Variants in YEATS4 observed in about 807,000 individuals in gnomAD.
The protein encoded by YEATS4 is YEATS domain containing 4.
YEATS4 carries 17 observed loss-of-function variants against 30.1 expected under a neutral mutation model. That is an observed-to-expected ratio of 0.56 (90% CI 0.39 to 0.85). The LOEUF is 0.85. YEATS4 is among the 40% of genes least tolerant of loss of function. The probability of loss-of-function intolerance (pLI) is 0.00; values close to 1 mark genes in which losing one functional copy is unlikely to be tolerated. For synonymous variants in YEATS4, 85 were observed against 87.5 expected (o/e 0.97, Z 0.16); for missense variants, 142 against 268.3 (o/e 0.53, Z 3.29).
At chr12:69,362,015 T>TGTTTTTTTTTTTTTTTTTTTTTTTTTTTG in intron 1 of YEATS4, among the ~76,000 whole-genome samples, 1 of 111,684 alleles carries the variant, frequency 9.0e-6, no homozygotes, top group Admixed American at 9.1e-5. Context: ...GTTTGGTTGT[T>TGTTTTTTTTTTTTTTTTTTTTTTTTTTTG]TTTTTTTTTT....
In YEATS4 at chr12:69,390,163, G is replaced by A; in HGVS notation, c.531G>A (p.Val177=). The A allele has an allele frequency of 6.3e-7, 1 of 1,584,184 alleles. No individual in the cohort carries two copies. Among genetic ancestry groups the A allele is most frequent in the East Asian group, 2.3e-5 (1 of 44,426 alleles). ...TTTCTTTAGTTGCAGAGCTTGAAGT[G>A]AAAACCAGAGAAAAATTAGAAGCTG... The part of the protein sequence containing the change: ...KHETEFAELE[V]KTREKLEAAK... Residue 177 remains valine (V), a synonymous_variant, in exon 7 of 7, where the codon GTG becomes GTA. Transcript: ENST00000247843.
intron 6 of YEATS4, among the ~76,000 whole-genome samples, chr12:69,388,172 C>T (rs957700008): frequency 6.6e-6 from 1 of 151,954 alleles, no homozygotes; most frequent in African/African-American, 2.4e-5. Context: ...GCCATTCTCC[C>T]GCCTCAGCCT....
intron 6 of YEATS4, among the ~76,000 whole-genome samples, chr12:69,387,748 C>G (rs10878974): frequency 0.4 from 61,109 of 152,018 alleles, 12,587 homozygotes; most frequent in Non-Finnish European, 0.46. Flanking sequence ...CTTTGTATAT[C>G]AGCAGACTAT....
At chr12:69,423,536 C>T in the YEATS4 span, among the ~76,000 whole-genome samples, 2 of 152,184 alleles carry the variant, frequency 1.3e-5, no homozygotes, top group Non-Finnish European at 2.9e-5. Context: ...GAGCAACAAG[C>T]ATGGGGCATT....
chr12:69,403,159 T>G, the YEATS4 span, among the ~76,000 whole-genome samples: 1 of 152,214 alleles, frequency 6.6e-6, no homozygotes, highest in African/African-American at 2.4e-5. Flanking sequence ...AGACTGGGAC[T>G]GTATAAGAAT....
intron 6 of YEATS4, among the ~76,000 whole-genome samples, chr12:69,385,014 A>T (rs962537628): frequency 1.3e-5 from 2 of 151,250 alleles, no homozygotes; most frequent in Admixed American, 1.3e-4. Flanking sequence ...TAGCAAAAGC[A>T]TTTTTTTTTC....
the YEATS4 span, among the ~76,000 whole-genome samples, chr12:69,400,697 T>A: frequency 6.5e-4 from 88 of 135,212 alleles, 1 homozygote; most frequent in African/African-American, 2.1e-3. Flanking sequence ...TTAAAAAGTT[T>A]AAAAAAAAAA....
In YEATS4 at chr12:69,367,795, ATGT is replaced by A. The variant is rs760490917; in HGVS notation, c.333+1914_333+1916del. On this transcript the variant is annotated intron_variant, in intron 4 of 6. Transcript: ENST00000247843. ...GAAAAGAGAGCATAGAATTTAGCAG[ATGT>A]TGAGAGGGAGAGAGAAGCAGCTCAT... 2.9e-4 allele frequency among the ~76,000 whole-genome samples: 44 copies of A among 152,348 alleles called. No individual in the cohort carries two copies. The East Asian group carries it at 8.5e-3, about 29-fold the overall frequency.
At chr12:69,373,384 T>C (rs1270114491) in intron 6 of YEATS4, among the ~76,000 whole-genome samples, 1 of 152,242 alleles carries the variant, frequency 6.6e-6, no homozygotes, top group African/African-American at 2.4e-5. Context: ...ATTTTTCTGA[T>C]GATCAGTGAT....
the YEATS4 span, among the ~76,000 whole-genome samples, chr12:69,402,724 TC>T: frequency 0.015 from 2,015 of 130,406 alleles, 19 homozygotes; most frequent in Non-Finnish European, 0.022. Context: ...TTCTTTCTTT[TC>T]TTTTTTTTTT....
intron 6 of YEATS4, among the ~76,000 whole-genome samples, chr12:69,385,522 T>C (rs1876240735): frequency 6.6e-6 from 1 of 152,172 alleles, no homozygotes; most frequent in African/African-American, 2.4e-5. Flanking sequence ...CTATAACAGC[T>C]TTATTAGGTA....
the YEATS4 span, among the ~76,000 whole-genome samples, chr12:69,399,755 A>C: frequency 1.3e-5 from 2 of 152,270 alleles, no homozygotes; most frequent in African/African-American, 4.8e-5. Flanking sequence ...TCAACTGATG[A>C]ATGAATAAAT....
the YEATS4 span, among the ~76,000 whole-genome samples, chr12:69,407,129 A>G: frequency 6.7e-6 from 1 of 149,364 alleles, no homozygotes; most frequent in Non-Finnish European, 1.5e-5. Flanking sequence ...TTCTCTTAAC[A>G]TTTATACATT....
chr12:69,372,139 T>C (rs1284851337), intron 6 of YEATS4, among the ~76,000 whole-genome samples: 1 of 152,158 alleles, frequency 6.6e-6, no homozygotes, highest in Non-Finnish European at 1.5e-5. Flanking sequence ...AACTGAGATA[T>C]GAAGTCATTT....
At chr12:69,379,473 C>T (rs768160642) in intron 6 of YEATS4, among the ~76,000 whole-genome samples, 3 of 151,918 alleles carry the variant, frequency 2.0e-5, no homozygotes, top group Non-Finnish European at 4.4e-5. Flanking sequence ...AGTGCAGTGG[C>T]ATGATCTTGG....
chr12:69,397,721 C>G, the YEATS4 span, among the ~76,000 whole-genome samples: 1 of 152,024 alleles, frequency 6.6e-6, no homozygotes, highest in Non-Finnish European at 1.5e-5. Flanking sequence ...CAACTGGTGT[C>G]CTTGTAAGAG....
chr12:69,361,034 C>T (rs991814544), intron 1 of YEATS4, among the ~76,000 whole-genome samples: 1 of 151,316 alleles, frequency 6.6e-6, no homozygotes, highest in Non-Finnish European at 1.5e-5. Context: ...CCCGTCTCTA[C>T]TAAATATACA....
downstream of YEATS4, among the ~76,000 whole-genome samples, chr12:69,392,346 A>G (rs183878244): frequency 1.4e-3 from 218 of 152,384 alleles, no homozygotes; most frequent in Middle Eastern, 3.4e-3. Context: ...AAAGTTAAGC[A>G]TAATTATCCA....
At chr12:69,363,799 A>G (rs918804871) in intron 2 of YEATS4, among the ~76,000 whole-genome samples, 6 of 152,232 alleles carry the variant, frequency 3.9e-5, no homozygotes, top group African/African-American at 9.6e-5. Flanking sequence ...AGTGGAAACA[A>G]TTCATTTGTC....
Sources: allele counts gnomAD v4.1 joint callset (sites outside exome capture counted in the v4.1 genomes callset), GRCh38; gene constraint gnomAD v4.1.1; transcripts MANE v1.5; gene names NCBI Gene and HGNC (gene_info 2026-07-23, HGNC 2026-07-21).